Variants in SNX29 observed in about 807,000 individuals in gnomAD.
SNX29 encodes the protein sorting nexin-29.
Under a neutral mutation model 102.1 loss-of-function variants are expected in SNX29, and 78 were observed. The observed-to-expected ratio is 0.76, with a 90% CI of 0.64 to 0.92. The LOEUF (loss-of-function observed/expected upper bound fraction) is 0.92. SNX29 is among the 40% of genes least tolerant of loss of function. The pLI, the probability that SNX29 is intolerant of heterozygous loss-of-function variation, is 0.00. For missense variants in SNX29, 1,280 were observed against 1,061.7 expected (o/e 1.21, Z -2.86); for synonymous variants, 580 against 414.5 (o/e 1.40, Z -4.85).
chr16:12,029,117 T>TC (rs940126265), intron 4 of SNX29, among the ~76,000 whole-genome samples: 2 of 152,126 alleles, frequency 1.3e-5, no homozygotes, highest in African/African-American at 2.4e-5. Context: ...CTTTTTTTTT[T>TC]TTTCTTTCTT....
At chr16:12,085,801 A>T (rs1428462278) in intron 11 of SNX29, among the ~76,000 whole-genome samples, 1 of 152,206 alleles carries the variant, frequency 6.6e-6, no homozygotes, top group African/African-American at 2.4e-5. Context: ...ATCCCCCAGC[A>T]GCCTTCTGAG....
At chr16:12,298,615 G>C (rs2080059308) in intron 15 of SNX29, among the ~76,000 whole-genome samples, 1 of 152,144 alleles carries the variant, frequency 6.6e-6, no homozygotes. Flanking sequence ...ATATATGCAT[G>C]TTGTGTGTTT....
chr16:12,521,370 G>A (rs990304275), intron 19 of SNX29, among the ~76,000 whole-genome samples: 3 of 151,942 alleles, frequency 2.0e-5, no homozygotes, highest in African/African-American at 7.3e-5. Context: ...CACTTGGGAG[G>A]GACTTGGGAT....
chr16:12,542,683 C>T (rs1393530299), intron 20 of SNX29, among the ~76,000 whole-genome samples: 1 of 151,886 alleles, frequency 6.6e-6, no homozygotes, highest in African/African-American at 2.4e-5. Flanking sequence ...GGAACATGGA[C>T]TTTGGGGCCA....
intron 13 of SNX29, among the ~76,000 whole-genome samples, chr16:12,163,654 T>A (rs540683001): frequency 6.6e-6 from 1 of 152,122 alleles, no homozygotes; most frequent in Non-Finnish European, 1.5e-5. Flanking sequence ...TATAGAAGCT[T>A]CTTGCCCCAC....
intron 13 of SNX29, among the ~76,000 whole-genome samples, chr16:12,186,926 C>G (rs549666763): frequency 2.9e-4 from 44 of 152,324 alleles, no homozygotes; most frequent in African/African-American, 9.1e-4. Context: ...GCCAAGAGGT[C>G]AAAGTCAAGA....
chr16:12,327,248 G>A (rs1328238166), intron 15 of SNX29, among the ~76,000 whole-genome samples: 1 of 152,110 alleles, frequency 6.6e-6, no homozygotes, highest in Non-Finnish European at 1.5e-5. Context: ...TAGTGATGGG[G>A]TCTTTTTAAG....
intron 4 of SNX29, among the ~76,000 whole-genome samples, chr16:12,033,360 C>T (rs2057393988): frequency 6.6e-6 from 1 of 152,072 alleles, no homozygotes; most frequent in African/African-American, 2.4e-5. Context: ...ACCTTGGCCT[C>T]CCAAAGTGCT....
chr16:12,136,927 A>T (rs113522902), intron 13 of SNX29, among the ~76,000 whole-genome samples: 2 of 152,080 alleles, frequency 1.3e-5, no homozygotes, highest in African/African-American at 4.8e-5. Flanking sequence ...TTTAGTAGAG[A>T]TGGGGTTTCA....
intron 14 of SNX29, among the ~76,000 whole-genome samples, chr16:12,205,126 T>A (rs1313256982): frequency 2.0e-5 from 3 of 152,320 alleles, no homozygotes; most frequent in African/African-American, 7.2e-5. Flanking sequence ...GCTAAATGAT[T>A]CCTAGAGCCC....
chr16:12,512,650 T>C (rs1025578274), intron 19 of SNX29, among the ~76,000 whole-genome samples: 3 of 151,862 alleles, frequency 2.0e-5, no homozygotes, highest in African/African-American at 7.3e-5. Flanking sequence ...AGGCGGTTGA[T>C]GGATTCTCTC....
chr16:12,500,544 A>G (rs1466206792), intron 19 of SNX29, among the ~76,000 whole-genome samples: 5 of 152,252 alleles, frequency 3.3e-5, no homozygotes, highest in Non-Finnish European at 7.3e-5. Flanking sequence ...ATTTTCATGC[A>G]TTGGTGCCAG....
intron 18 of SNX29, among the ~76,000 whole-genome samples, chr16:12,410,924 C>G (rs796253873): frequency 1.3e-5 from 2 of 152,328 alleles, no homozygotes; most frequent in African/African-American, 2.4e-5. Flanking sequence ...TTCATCCTCT[C>G]TTAAGATAGC....
chr16:12,524,084 C>G (rs1276855272), intron 19 of SNX29, among the ~76,000 whole-genome samples: 1 of 152,114 alleles, frequency 6.6e-6, no homozygotes, highest in African/African-American at 2.4e-5. Flanking sequence ...TGGGGTTTCT[C>G]CAGGTTGGTT....
intron 4 of SNX29, among the ~76,000 whole-genome samples, chr16:12,042,471 T>G (rs1239027849): frequency 6.6e-6 from 1 of 152,176 alleles, no homozygotes; most frequent in Non-Finnish European, 1.5e-5. Flanking sequence ...CCGTCTGTGC[T>G]CTCCTCCCTC....
rs762209308 is a variant in SNX29, at chr16:12,498,261, C to T, written c.2178+20402C>T. On this transcript the variant is annotated intron_variant, in intron 19 of 20. Transcript: ENST00000566228. ...GCATGTCCCACTAGCAGCAGGTACA[C>T]GTGGCAGAGCATGTGCACGTTAGCA... Among the ~76,000 whole-genome samples, 5 of 152,282 alleles carry T rather than the reference C, an allele frequency of 3.3e-5. No homozygotes were observed. In the East Asian group the frequency reaches 5.8e-4, roughly 18 times the overall value.
intron 19 of SNX29, among the ~76,000 whole-genome samples, chr16:12,490,632 T>C (rs993768299): frequency 6.6e-6 from 1 of 152,092 alleles, no homozygotes; most frequent in African/African-American, 2.4e-5. Flanking sequence ...CCACACAGTG[T>C]CCCAAAGCAG....
chr16:12,272,589 G>T (rs1176831026), intron 14 of SNX29, among the ~76,000 whole-genome samples: 1 of 152,188 alleles, frequency 6.6e-6, no homozygotes, highest in Non-Finnish European at 1.5e-5. Context: ...CTCAAATTCT[G>T]ATTACATAGT....
chr16:12,292,409 T>G (rs2079829457), intron 15 of SNX29, among the ~76,000 whole-genome samples: 1 of 152,226 alleles, frequency 6.6e-6, no homozygotes, highest in Non-Finnish European at 1.5e-5. Context: ...TTCTGTGTCT[T>G]GATTCTCCCT....
Sources: gnomAD v4.1 joint callset for allele counts (sites outside exome capture counted in the v4.1 genomes callset) on GRCh38, gnomAD v4.1.1 for gene constraint, MANE v1.5 for transcripts, NCBI Gene and HGNC (gene_info 2026-07-23, HGNC 2026-07-21) for gene names.